SGCD: variants seen among roughly 807,000 people sequenced by gnomAD.
SGCD encodes delta-sarcoglycan.
SGCD carries 18 observed loss-of-function variants against 36.6 expected under a neutral mutation model. That is an observed-to-expected ratio of 0.49 (90% CI 0.34 to 0.73). SGCD has a LOEUF of 0.73. Ranked by LOEUF, SGCD falls within the 30% of genes least tolerant of loss-of-function variation. The pLI is 0.01. For synonymous variants in SGCD, 133 were observed against 130.6 expected (o/e 1.02, Z -0.12); for missense variants, 387 against 346.7 (o/e 1.12, Z -0.92).
chr5:155,865,356 G>C (rs1486152810), upstream of SGCD, among the ~76,000 whole-genome samples: 2 of 151,886 alleles, frequency 1.3e-5, no homozygotes, highest in Admixed American at 6.6e-5. Flanking sequence ...CTAGATTCTT[G>C]TATCTACTTC....
At chr5:155,741,819 A>C in the SGCD span, among the ~76,000 whole-genome samples, 1 of 151,806 alleles carries the variant, frequency 6.6e-6, no homozygotes, top group African/African-American at 2.4e-5. Context: ...CAGCCTCCCA[A>C]GTAGCTGGGA....
At chr5:155,781,367 C>T in the SGCD span, among the ~76,000 whole-genome samples, 2 of 152,196 alleles carry the variant, frequency 1.3e-5, no homozygotes, top group Non-Finnish European at 2.9e-5. Context: ...CTCGCAAACC[C>T]TCACAGGGAA....
intron 3 of SGCD, among the ~76,000 whole-genome samples, chr5:156,471,870 C>T (rs1302813111): frequency 2.0e-5 from 3 of 150,550 alleles, no homozygotes; most frequent in African/African-American, 7.5e-5. Context: ...AAAAAATATA[C>T]ATACACAACG....
intron 1 of SGCD, among the ~76,000 whole-genome samples, chr5:155,926,741 ACCC>A (rs1757003599): frequency 6.6e-6 from 1 of 152,224 alleles, no homozygotes; most frequent in Non-Finnish European, 1.5e-5. Flanking sequence ...ACACATCTGT[ACCC>A]ATTAAAATTG....
chr5:156,636,705 C>A (rs1356682604), intron 6 of SGCD, among the ~76,000 whole-genome samples: 1 of 152,114 alleles, frequency 6.6e-6, no homozygotes, highest in Non-Finnish European at 1.5e-5. Context: ...AAAACCCAGC[C>A]CCACTCAGCA....
chr5:156,620,263 G>A (rs280466), intron 6 of SGCD, among the ~76,000 whole-genome samples: 48,218 of 152,050 alleles, frequency 0.32, 8,547 homozygotes, highest in African/African-American at 0.48. Context: ...TACCTGATAT[G>A]TTAATGCCTG....
intron 6 of SGCD, among the ~76,000 whole-genome samples, chr5:156,597,481 A>G (rs1760974331): frequency 6.6e-6 from 1 of 152,202 alleles, no homozygotes; most frequent in African/African-American, 2.4e-5. Flanking sequence ...TTATGCAACC[A>G]TCAGATCTCA....
At chr5:156,477,124 CAG>C (rs1755216187) in intron 3 of SGCD, among the ~76,000 whole-genome samples, 1 of 151,214 alleles carries the variant, frequency 6.6e-6, no homozygotes, top group Non-Finnish European at 1.5e-5. Context: ...AAGAGCATTT[CAG>C]AGTCAGTGCT....
At chr5:156,129,849 C>T (rs1031160264) in intron 3 of SGCD, among the ~76,000 whole-genome samples, 1 of 152,176 alleles carries the variant, frequency 6.6e-6, no homozygotes, top group African/African-American at 2.4e-5. Context: ...CATAGGATTC[C>T]ATGGTGTATA....
At chr5:155,792,501 A>G in the SGCD span, among the ~76,000 whole-genome samples, 1 of 151,810 alleles carries the variant, frequency 6.6e-6, no homozygotes, top group Non-Finnish European at 1.5e-5. Context: ...TTCACCAAGT[A>G]TGCATCCGAT....
chr5:156,537,990 G>A (rs953801500), intron 4 of SGCD, among the ~76,000 whole-genome samples: 5 of 152,036 alleles, frequency 3.3e-5, no homozygotes, highest in African/African-American at 7.2e-5. Flanking sequence ...CTTGCAGCCA[G>A]ATTTCTATGG....
chr5:156,054,337 G>C (rs1760004182), intron 1 of SGCD, among the ~76,000 whole-genome samples: 1 of 134,852 alleles, frequency 7.4e-6, no homozygotes, highest in South Asian at 2.3e-4. Flanking sequence ...CCAGGCTGGA[G>C]TGCAGTGGCG....
rs748104712 is a variant in SGCD, at chr5:156,759,393, G to T, written c.*3G>T. Reference sequence around the variant, plus strand: ...TAAACACAAGTGTCTGCCTCTGAAAGACTATCCATAGTGGACATTGTTGGC... The same window carrying T: ...TAAACACAAGTGTCTGCCTCTGAAATACTATCCATAGTGGACATTGTTGGC... On this transcript the variant is annotated 3_prime_UTR_variant, in exon 9 of 9. Transcript: ENST00000337851. 6.2e-7 allele frequency: 1 copy of T among 1,602,402 alleles called. No homozygotes were observed. Among genetic ancestry groups the T allele is most frequent in the Non-Finnish European group, 8.5e-7 (1 of 1,171,608 alleles).
chr5:156,108,606 A>G (rs1761707583), intron 1 of SGCD, among the ~76,000 whole-genome samples: 1 of 152,296 alleles, frequency 6.6e-6, no homozygotes, highest in Middle Eastern at 3.4e-3. Context: ...TGAAACAGCC[A>G]TATAAAACTC....
intron 7 of SGCD, among the ~76,000 whole-genome samples, chr5:156,654,361 T>C (rs1763591398): frequency 1.3e-5 from 2 of 152,150 alleles, no homozygotes; most frequent in African/African-American, 4.8e-5. Context: ...TTTGGAATAC[T>C]GAATGGGACT....
intron 8 of SGCD, chr5:156,758,000 A>C: frequency 1.7e-6 from 2 of 1,202,822 alleles, no homozygotes; most frequent in Non-Finnish European, 2.1e-6. Context: ...CCTTAAAATA[A>C]GATTTTGTTA....
At chr5:155,735,437 G>A in the SGCD span, among the ~76,000 whole-genome samples, 1 of 152,162 alleles carries the variant, frequency 6.6e-6, no homozygotes, top group South Asian at 2.1e-4. Flanking sequence ...GAGAACCAAG[G>A]TTAGAGATAA....
At chr5:156,147,903 C>T (rs1047855049) in intron 3 of SGCD, among the ~76,000 whole-genome samples, 9 of 152,144 alleles carry the variant, frequency 5.9e-5, no homozygotes, top group African/African-American at 1.9e-4. Context: ...AACTTTTCAT[C>T]TTAATGCCAA....
intron 3 of SGCD, among the ~76,000 whole-genome samples, chr5:156,172,673 T>C (rs2127622821): frequency 6.6e-6 from 1 of 152,344 alleles, no homozygotes; most frequent in South Asian, 2.1e-4. Flanking sequence ...AGGGAGCTTA[T>C]GTGACATTGG....
Sources: gnomAD v4.1 joint callset for allele counts (sites outside exome capture counted in the v4.1 genomes callset) on GRCh38, gnomAD v4.1.1 for gene constraint, MANE v1.5 for transcripts, NCBI Gene and HGNC (gene_info 2026-07-23, HGNC 2026-07-21) for gene names.